MARK3: variants seen among roughly 807,000 people sequenced by gnomAD.
MARK3 encodes microtubule affinity regulating kinase 3.
In MARK3, 46 loss-of-function variants were observed where a neutral mutation model predicts 90.1. That is an observed-to-expected ratio of 0.51 (90% CI 0.40 to 0.65). The LOEUF is 0.65. Ranked by LOEUF, MARK3 falls within the 30% of genes least tolerant of loss-of-function variation. MARK3 has a pLI of 0.00. For missense variants in MARK3, 818 were observed against 947.2 expected, an observed-to-expected ratio of 0.86 and a Z score of 1.79; for synonymous variants, 321 against 332.6, an observed-to-expected ratio of 0.97 and a Z score of 0.38.
At chr14:103,404,162 A>G (rs187883822) in intron 1 of MARK3, among the ~76,000 whole-genome samples, 1 of 152,340 alleles carries the variant, frequency 6.6e-6, no homozygotes, top group African/African-American at 2.4e-5. Context: ...ATTTGAGTAA[A>G]TTACAAAGCA....
intron 1 of MARK3, among the ~76,000 whole-genome samples, chr14:103,390,127 A>T (rs989892817): frequency 1.3e-5 from 2 of 151,902 alleles, no homozygotes; most frequent in African/African-American, 4.8e-5. Context: ...AGGTGCCTGT[A>T]GTCCCAGCTA....
Position 103,406,391 on chromosome 14 carries a change from A to AT in MARK3, c.243+1126dup, listed in dbSNP as rs1236788974. On this transcript the variant is annotated intron_variant, in intron 2 of 17. Transcript: ENST00000429436. Reference sequence around the variant, plus strand: ...AGGCGCACACCACCACGCCTGGCTAATTATTTTTTTTTTTTTTGTATTTTT... The same window carrying AT: ...AGGCGCACACCACCACGCCTGGCTAATTTATTTTTTTTTTTTTTGTATTTTT... Among the ~76,000 whole-genome samples, 63 of 88,258 alleles carry AT rather than the reference A, an allele frequency of 7.1e-4. 1 individual carries two copies. In the Admixed American group the frequency reaches 8.1e-3, roughly 11 times the overall value. 57.9% of individuals were successfully genotyped at this position (88,258 alleles called of 152,430 possible).
At chr14:103,472,440 G>T (rs1182704657) in intron 12 of MARK3, among the ~76,000 whole-genome samples, 6 of 151,858 alleles carry the variant, frequency 4.0e-5, no homozygotes, top group Admixed American at 3.9e-4. Context: ...TCAGGAGATC[G>T]AGAACATCCT....
chr14:103,488,101 C>A (rs1471762868), intron 14 of MARK3, among the ~76,000 whole-genome samples: 2 of 152,026 alleles, frequency 1.3e-5, no homozygotes, highest in Admixed American at 1.3e-4. Flanking sequence ...TGTCTGTACA[C>A]ATGTACAAGA....
At chr14:103,476,877 C>T (rs1024213411) in intron 13 of MARK3, among the ~76,000 whole-genome samples, 3 of 152,214 alleles carry the variant, frequency 2.0e-5, no homozygotes, top group Admixed American at 6.5e-5. Context: ...AAATGCCATA[C>T]AGTAGGATTA....
chr14:103,427,839 G>A (rs1010734461), intron 2 of MARK3, among the ~76,000 whole-genome samples: 1 of 152,086 alleles, frequency 6.6e-6, no homozygotes, highest in African/African-American at 2.4e-5. Context: ...GGTTTTGGTG[G>A]GTTTTGGCCT....
chr14:103,500,064 G>A (rs1453795056), intron 16 of MARK3, 92 bp from the exon 17 acceptor site: 2 of 938,914 alleles, frequency 2.1e-6, no homozygotes, highest in African/African-American at 3.3e-5. Context: ...TCATTTTATG[G>A]TGTTGGTGTT....
rs1440675343 is a variant in MARK3 at position 103,492,079 on chromosome 14, A to C, written c.1844+45A>C. ...TGTTTTGGAGTGAACACATAGAGCA[A>C]AAGGAAAGATGTCTTTTTTGTTGTG... On this transcript the variant is annotated intron_variant, in intron 15 of 17. Coordinates refer to ENST00000429436, the MANE Select transcript of MARK3 (RefSeq NM_001128918.3). The C allele has an allele frequency of 5.7e-6, 9 of 1,589,018 alleles. No homozygotes were observed. In the South Asian group the frequency reaches 1.0e-4, roughly 18 times the overall value.
At chr14:103,409,750 T>G (rs2091525211) in intron 2 of MARK3, among the ~76,000 whole-genome samples, 4 of 152,162 alleles carry the variant, frequency 2.6e-5, no homozygotes, top group Admixed American at 2.6e-4. Flanking sequence ...TGTCTGGGTC[T>G]TAGTACTCAT....
intron 13 of MARK3, among the ~76,000 whole-genome samples, chr14:103,479,628 C>CTTTTTTTTTTT (rs34768749): frequency 3.8e-4 from 30 of 78,248 alleles, no homozygotes; most frequent in Non-Finnish European, 4.2e-4. Context: ...ATACGTATAG[C>CTTTTTTTTTTT]TTTTTTTTTT....
intron 2 of MARK3, among the ~76,000 whole-genome samples, chr14:103,423,745 T>G (rs947074984): frequency 2.6e-5 from 4 of 152,236 alleles, no homozygotes; most frequent in African/African-American, 9.6e-5. Context: ...GCTTCCTTGC[T>G]GCACGTACAC....
At chr14:103,411,205 C>T (rs1349270273) in intron 2 of MARK3, among the ~76,000 whole-genome samples, 1 of 152,098 alleles carries the variant, frequency 6.6e-6, no homozygotes, top group African/African-American at 2.4e-5. Context: ...ACCCGGGAGA[C>T]GGAGCTTGCA....
At chr14:103,500,436 G>C (rs190028264) in intron 17 of MARK3, among the ~76,000 whole-genome samples, 1 of 152,308 alleles carries the variant, frequency 6.6e-6, no homozygotes, top group East Asian at 1.9e-4. Context: ...CAGCCTTCCT[G>C]CCTGGGCGTT....
intron 3 of MARK3, among the ~76,000 whole-genome samples, chr14:103,438,294 C>T (rs937943949): frequency 5.3e-5 from 8 of 152,144 alleles, no homozygotes; most frequent in African/African-American, 1.7e-4. Flanking sequence ...TGAGCCACCA[C>T]GCCAGGCCGA....
chr14:103,496,763 G>A (rs1232576211), intron 15 of MARK3, among the ~76,000 whole-genome samples: 2 of 152,152 alleles, frequency 1.3e-5, no homozygotes, highest in Non-Finnish European at 2.9e-5. Context: ...GCCAGGCACT[G>A]TACATGGCTC....
chr14:103,480,959 C>T (rs2141862049), intron 14 of MARK3, among the ~76,000 whole-genome samples: 1 of 152,316 alleles, frequency 6.6e-6, no homozygotes. Context: ...TAAATAGAAA[C>T]ACTGGAGAAG....
intron 7 of MARK3, among the ~76,000 whole-genome samples, chr14:103,462,977 C>T: frequency 6.6e-6 from 1 of 152,152 alleles, no homozygotes; most frequent in Admixed American, 6.5e-5. Context: ...TCCATCACTT[C>T]TTTCCTCCTG....
intron 2 of MARK3, among the ~76,000 whole-genome samples, chr14:103,414,175 A>AT (rs1286429625): frequency 5.4e-5 from 8 of 149,382 alleles, no homozygotes; most frequent in Non-Finnish European, 1.0e-4. Flanking sequence ...GAATTGGTGT[A>AT]TTTTTATTAC....
At chr14:103,498,289 CT>C (rs902556999) in intron 15 of MARK3, among the ~76,000 whole-genome samples, 8 of 151,288 alleles carry the variant, frequency 5.3e-5, no homozygotes, top group South Asian at 2.1e-4. Flanking sequence ...CCTTTTCTTA[CT>C]TTTTTTTGAT....
Sources: gnomAD v4.1 joint callset for allele counts (sites outside exome capture counted in the v4.1 genomes callset) on GRCh38, gnomAD v4.1.1 for gene constraint, MANE v1.5 for transcripts, NCBI Gene and HGNC (gene_info 2026-07-23, HGNC 2026-07-21) for gene names.